CTNNA3: variants seen among roughly 807,000 people sequenced by gnomAD.
The protein encoded by CTNNA3 is catenin alpha-3.
CTNNA3 carries 76 observed loss-of-function variants against 95.7 expected under a neutral mutation model. The observed-to-expected ratio is 0.79, with a 90% CI of 0.66 to 0.96. The LOEUF (loss-of-function observed/expected upper bound fraction) is 0.96, where lower values mean the gene tolerates loss of function less well. CTNNA3 is among the 40% of genes least tolerant of loss of function. The pLI, the probability that CTNNA3 is intolerant of heterozygous loss-of-function variation, is 0.00. For missense variants in CTNNA3, 1,191 were observed against 1,089.8 expected (o/e 1.09, Z -1.31); for synonymous variants, 431 against 374.4 (o/e 1.15, Z -1.74).
rs368071884 is a variant in CTNNA3 at position 66,830,702 on chromosome 10, T to C, written c.1048-55178A>G. Reference sequence around the variant, plus strand: ...TCGGCTCACCGCAAGCTCCGCCTCCTGGGTTCCCGCCATTCTCCTGCCTCA... The same window carrying C: ...TCGGCTCACCGCAAGCTCCGCCTCCCGGGTTCCCGCCATTCTCCTGCCTCA... On this transcript the variant is annotated intron_variant, in intron 7 of 17. Transcript: ENST00000433211. Among the ~76,000 whole-genome samples the C allele has an allele frequency of 7.0e-3, 1,067 of 152,028 alleles. 15 individuals are homozygous for C. Among genetic ancestry groups the C allele is most frequent in the African/African-American group, 0.024 (983 of 41,470 alleles).
intron 7 of CTNNA3, among the ~76,000 whole-genome samples, chr10:67,094,323 T>C (rs1857837378): frequency 6.6e-6 from 1 of 151,918 alleles, no homozygotes; most frequent in Non-Finnish European, 1.5e-5. Flanking sequence ...CCAGATAGCA[T>C]AGCCTTTTAA....
chr10:66,428,791 A>G (rs1452546992), intron 11 of CTNNA3, among the ~76,000 whole-genome samples: 1 of 152,100 alleles, frequency 6.6e-6, no homozygotes, highest in Non-Finnish European at 1.5e-5. Flanking sequence ...AATGCCCACA[A>G]GAGAAAGCAG....
chr10:67,017,826 G>A (rs1428826275), intron 7 of CTNNA3, among the ~76,000 whole-genome samples: 3 of 151,976 alleles, frequency 2.0e-5, no homozygotes, highest in African/African-American at 7.3e-5. Flanking sequence ...CTGGAATATA[G>A]TGGCCCAATC....
intron 11 of CTNNA3, among the ~76,000 whole-genome samples, chr10:66,423,492 C>T (rs2132640697): frequency 6.6e-6 from 1 of 152,260 alleles, no homozygotes; most frequent in South Asian, 2.1e-4. Context: ...GGGCATCAGC[C>T]TAATGGCTAA....
At chr10:67,085,612 TTA>T (rs954217560) in intron 7 of CTNNA3, among the ~76,000 whole-genome samples, 2 of 152,034 alleles carry the variant, frequency 1.3e-5, no homozygotes, top group Admixed American at 1.3e-4. Flanking sequence ...CTTTTAAAGT[TTA>T]TGTTTGTGTC....
chr10:66,154,719 CATATATATATAT>C (rs569694429), intron 13 of CTNNA3, among the ~76,000 whole-genome samples: 6 of 74,812 alleles, frequency 8.0e-5, no homozygotes, highest in African/African-American at 1.1e-4. Context: ...TGAAAAAGTT[CATATATATATAT>C]ATATATATAT....
At chr10:66,233,208 C>T (rs972458549) in intron 13 of CTNNA3, among the ~76,000 whole-genome samples, 4 of 135,830 alleles carry the variant, frequency 2.9e-5, no homozygotes, top group African/African-American at 1.1e-4. Flanking sequence ...GTGTATGATA[C>T]ATTTAAATAT....
chr10:66,114,548 C>T (rs925649172), intron 13 of CTNNA3, among the ~76,000 whole-genome samples: 3 of 150,502 alleles, frequency 2.0e-5, no homozygotes, highest in African/African-American at 4.9e-5. Context: ...TCATATTGTC[C>T]GTGTATGTGT....
At chr10:67,488,818 T>C (rs903405077) in intron 5 of CTNNA3, among the ~76,000 whole-genome samples, 1 of 152,040 alleles carries the variant, frequency 6.6e-6, no homozygotes, top group Non-Finnish European at 1.5e-5. Flanking sequence ...TACAGGCGCA[T>C]GCCACCGTGT....
intron 5 of CTNNA3, among the ~76,000 whole-genome samples, chr10:67,516,235 G>T (rs2133144676): frequency 6.6e-6 from 1 of 152,180 alleles, no homozygotes; most frequent in East Asian, 1.9e-4. Flanking sequence ...TTTAATGTTA[G>T]CCCCAATGGA....
At chr10:67,006,365 G>A (rs1009048628) in intron 7 of CTNNA3, among the ~76,000 whole-genome samples, 1 of 152,082 alleles carries the variant, frequency 6.6e-6, no homozygotes, top group African/African-American at 2.4e-5. Context: ...TGCAAAAGTC[G>A]AAGCTAGAAT....
intron 7 of CTNNA3, among the ~76,000 whole-genome samples, chr10:67,124,808 T>G (rs1859637834): frequency 6.6e-6 from 1 of 152,238 alleles, no homozygotes; most frequent in African/African-American, 2.4e-5. Context: ...CAAAGTGACA[T>G]GAACTAATTT....
At chr10:66,393,160 G>T (rs1236239414) in intron 11 of CTNNA3, among the ~76,000 whole-genome samples, 1 of 152,062 alleles carries the variant, frequency 6.6e-6, no homozygotes, top group Non-Finnish European at 1.5e-5. Flanking sequence ...CTGTATGATT[G>T]CAATTACATG....
chr10:67,470,576 A>G (rs1180070160), intron 5 of CTNNA3, among the ~76,000 whole-genome samples: 11 of 152,060 alleles, frequency 7.2e-5, no homozygotes, highest in Non-Finnish European at 1.6e-4. Flanking sequence ...AGACATACAG[A>G]CTGCCTTAGA....
intron 9 of CTNNA3, among the ~76,000 whole-genome samples, chr10:66,743,933 G>C (rs987566712): frequency 4.0e-5 from 5 of 123,996 alleles, no homozygotes; most frequent in African/African-American, 1.6e-4. Context: ...CTGAGATAGT[G>C]CCACTGCACT....
chr10:66,083,505 A>C (rs2080850494), intron 14 of CTNNA3, among the ~76,000 whole-genome samples: 1 of 152,176 alleles, frequency 6.6e-6, no homozygotes, highest in Admixed American at 6.5e-5. Context: ...CCTATGAAAA[A>C]ATAAAATTTC....
chr10:66,165,332 AG>A, intron 13 of CTNNA3, among the ~76,000 whole-genome samples: 1 of 152,270 alleles, frequency 6.6e-6, no homozygotes, highest in Admixed American at 6.5e-5. Flanking sequence ...GAGGGGAACA[AG>A]GAATGAAAAA....
intron 5 of CTNNA3, among the ~76,000 whole-genome samples, chr10:67,255,166 G>T (rs1381959896): frequency 6.6e-6 from 1 of 152,024 alleles, no homozygotes; most frequent in East Asian, 1.9e-4. Context: ...ATGGCGGTGT[G>T]CACCTGTAAT....
chr10:66,585,989 C>T (rs997861048), intron 10 of CTNNA3, among the ~76,000 whole-genome samples: 1 of 151,994 alleles, frequency 6.6e-6, no homozygotes, highest in Non-Finnish European at 1.5e-5. Flanking sequence ...TTTATTTACA[C>T]TTAGTTTCAG....
Sources: gnomAD v4.1 joint callset for allele counts (sites outside exome capture counted in the v4.1 genomes callset) on GRCh38, gnomAD v4.1.1 for gene constraint, MANE v1.5 for transcripts, NCBI Gene and HGNC (gene_info 2026-07-23, HGNC 2026-07-21) for gene names.